PCDHGA5: variants seen among roughly 807,000 people sequenced by gnomAD.
PCDHGA5 encodes the protein protocadherin gamma subfamily A, 5.
PCDHGA5 carries 36 observed loss-of-function variants against 56.7 expected under a neutral mutation model. The ratio of observed to expected loss-of-function variants is 0.64; its 90% CI spans 0.49 to 0.84. PCDHGA5 has a LOEUF of 0.84. PCDHGA5 is among the 40% of genes least tolerant of loss of function. The probability of loss-of-function intolerance (pLI) is 0.00; values close to 1 mark genes in which losing one functional copy is unlikely to be tolerated. For synonymous variants in PCDHGA5, 563 were observed against 520.2 expected (o/e 1.08, Z -1.12); for missense variants, 1,305 against 1,201.5 (o/e 1.09, Z -1.27).
In PCDHGA5 at chr5:141,431,985, T is replaced by A. The variant is rs1354693325; in HGVS notation, c.2422-62822T>A. 1 of 1,614,202 alleles carries A rather than the reference T, an allele frequency of 6.2e-7. No homozygotes were observed. The highest frequency in any genetic ancestry group is 1.7e-5 in the Admixed American group (1 of 60,030). ...TACTATAGTTTAGTCACAGACATAG[T>A]CTTGGATAGGGAACAGGTTCCTAGC... On this transcript the variant is annotated intron_variant, in intron 1 of 3. Coordinates refer to ENST00000518069, the MANE Select transcript of PCDHGA5 (RefSeq NM_018918.3). This position sits in a 1 kb window ranked among gnomAD's most constrained non-coding sequence, Gnocchi z 4.8.
chr5:141,376,676 G>GTGTTTTTTT (rs1773033495), intron 1 of PCDHGA5: 1 of 275,812 alleles, frequency 3.6e-6, no homozygotes, highest in African/African-American at 3.7e-5. Flanking sequence ...TGAGGGTATC[G>GTGTTTTTTT]TTTTTTTTTT....
In PCDHGA5 at chr5:141,467,461, A is replaced by G. The variant is rs1330947379; in HGVS notation, c.2422-27346A>G. ...ATTACTTTTTTCTTCCAGTGCTAGT[A>G]CTTGCATGGTTTTTGGTTTCCACAT... On this transcript the variant is annotated intron_variant, in intron 1 of 3. Coordinates refer to ENST00000518069, the MANE Select transcript of PCDHGA5 (RefSeq NM_018918.3). 2.6e-5 allele frequency among the ~76,000 whole-genome samples: 4 copies of G among 152,158 alleles called. No homozygotes were observed. The South Asian group carries it at 8.3e-4, about 31-fold the overall frequency.
chr5:141,409,262 G>C (rs768196825), intron 1 of PCDHGA5: 1 of 1,613,952 alleles, frequency 6.2e-7, no homozygotes, highest in Admixed American at 1.7e-5. Flanking sequence ...TTCTCTCTCT[G>C]ATCAGATTTT....
chr5:141,391,885 G>C (rs1250781964), intron 1 of PCDHGA5: 2 of 152,194 alleles, frequency 1.3e-5, no homozygotes, highest in Non-Finnish European at 2.9e-5. Flanking sequence ...TGGTGAAAGG[G>C]ATGGGATGGA....
chr5:141,393,682 C>T (rs756181553), intron 1 of PCDHGA5: 18 of 1,613,870 alleles, frequency 1.1e-5, no homozygotes, highest in Non-Finnish European at 1.3e-5. Context: ...AAACAAACTC[C>T]GTTATTCCAG....
At chr5:141,389,235 TCA>T (rs2091656158) in intron 1 of PCDHGA5, 4 of 1,614,080 alleles carry the variant, frequency 2.5e-6, no homozygotes, top group Non-Finnish European at 2.5e-6. Flanking sequence ...TCCGGTTTTC[TCA>T]CAGTCTTCCT....
chr5:141,433,080 A>T lies in PCDHGA5; in HGVS notation c.2422-61727A>T, dbSNP rs1315049041. 4.3e-6 allele frequency: 7 copies of T among 1,614,174 alleles called. No homozygotes were observed. The East Asian group carries it at 1.6e-4, about 36-fold the overall frequency. ...AGTCACCTGATCTTCCCCCAGCCCA[A>T]CTATGCAGACATGCTCGTCAGCCAG... On this transcript the variant is annotated intron_variant, in intron 1 of 3. Transcript: ENST00000518069.
At chr5:141,400,181 A>G (rs1188334062) in intron 1 of PCDHGA5, 14 of 1,614,034 alleles carry the variant, frequency 8.7e-6, no homozygotes, top group Non-Finnish European at 1.1e-5. Flanking sequence ...GCTGAGCTGC[A>G]GTTTTACCTA....
intron 1 of PCDHGA5, chr5:141,367,007 C>A: frequency 2.3e-6 from 1 of 430,082 alleles, no homozygotes; most frequent in Non-Finnish European, 4.0e-6. Context: ...TCATTTTACC[C>A]AAATATTTTG....
intron 1 of PCDHGA5, chr5:141,418,087 C>G (rs2096220274): frequency 6.2e-7 from 1 of 1,613,894 alleles, no homozygotes; most frequent in African/African-American, 1.3e-5. Context: ...TGCACTTCAG[C>G]GTAGACGCGC....
At chr5:141,384,661 G>C (rs777530436) in intron 1 of PCDHGA5, 1 of 1,614,226 alleles carries the variant, frequency 6.2e-7, no homozygotes. Context: ...CGGCTACCTG[G>C]TGACCAAGGT....
intron 1 of PCDHGA5, chr5:141,424,576 C>CA (rs2096829154): frequency 6.6e-6 from 1 of 152,132 alleles, no homozygotes; most frequent in African/African-American, 2.4e-5. Context: ...AACCTATTTT[C>CA]AAATGTGCTA....
chr5:141,372,278 G>A (rs756938433), intron 1 of PCDHGA5: 7 of 1,613,020 alleles, frequency 4.3e-6, no homozygotes, highest in Non-Finnish European at 3.4e-6. Flanking sequence ...AGGTGCGCAC[G>A]GCGCGTACCT....
rs1004089667 is a variant in PCDHGA5, at chr5:141,497,399, C to G, written c.2480+2534C>G. The stretch of plus-strand genomic sequence containing the variant: ...TGGGGTGAGCACCTTACCCCTGCCT[C>G]AACTCCCATTCCATCAAATGAGAGG... On this transcript the variant is annotated intron_variant, in intron 2 of 3. Coordinates refer to ENST00000518069, the MANE Select transcript of PCDHGA5 (RefSeq NM_018918.3). Among the ~76,000 whole-genome samples the G allele has an allele frequency of 5.9e-5, 9 of 152,146 alleles. 1 individual carries two copies. The highest frequency in any genetic ancestry group is 1.2e-4 in the Non-Finnish European group (8 of 68,034).
intron 1 of PCDHGA5, among the ~76,000 whole-genome samples, chr5:141,492,854 G>A (rs1361942466): frequency 6.6e-6 from 1 of 152,212 alleles, no homozygotes; most frequent in Non-Finnish European, 1.5e-5. Flanking sequence ...AAAGCCTCGA[G>A]CGCCCTGGCT....
Position 141,365,016 on chromosome 5 carries a change from G to A in PCDHGA5, c.686G>A (p.Arg229His), listed in dbSNP as rs1763680175. The A allele has an allele frequency of 6.2e-7, 1 of 1,613,880 alleles. No individual in the cohort carries two copies. ...DPVLSGTTHI[R>H]VTVLDANDNA... is the part of the protein sequence containing the mutation. Reference sequence around the variant, plus strand: ...GTACTCTCCGGCACCACGCACATCCGTGTTACGGTCCTCGACGCAAACGAC... The same window carrying A: ...GTACTCTCCGGCACCACGCACATCCATGTTACGGTCCTCGACGCAAACGAC... Residue 229 changes from arginine (R) to histidine (H), a missense_variant, in exon 1 of 4, where the codon CGT becomes CAT. By Grantham distance (29) the Arg-to-His change is conservative. Coordinates refer to ENST00000518069, the MANE Select transcript of PCDHGA5 (RefSeq NM_018918.3).
intron 1 of PCDHGA5, chr5:141,383,187 C>T (rs572411306): frequency 6.2e-7 from 1 of 1,614,076 alleles, no homozygotes; most frequent in Non-Finnish European, 8.5e-7. Flanking sequence ...AAGAGATCTG[C>T]GCTCAGAGTG....
intron 1 of PCDHGA5, chr5:141,384,016 G>A: frequency 6.2e-7 from 1 of 1,613,744 alleles, no homozygotes; most frequent in Non-Finnish European, 8.5e-7. Flanking sequence ...CTACCTACAA[G>A]ACAGAGATTC....
At chr5:141,443,872 A>G (rs1446612063) in intron 1 of PCDHGA5, among the ~76,000 whole-genome samples, 1 of 152,212 alleles carries the variant, frequency 6.6e-6, no homozygotes, top group South Asian at 2.1e-4. Context: ...AAAATTACTG[A>G]TAAGTCAAGA....
Sources: gnomAD v4.1 joint callset for allele counts (sites outside exome capture counted in the v4.1 genomes callset) on GRCh38, gnomAD v4.1.1 for gene constraint, Gnocchi (gnomAD v3.1) non-coding constraint, MANE v1.5 for transcripts, NCBI Gene and HGNC (gene_info 2026-07-23, HGNC 2026-07-21) for gene names.